The following KHDRBS2 variants were observed in gnomAD, a reference collection of about 807,000 sequenced individuals.
KHDRBS2 encodes KH RNA binding domain containing, signal transduction associated 2.
In KHDRBS2, 26 loss-of-function variants were observed where a neutral mutation model predicts 44.3. That is an observed-to-expected ratio of 0.59 (90% CI 0.43 to 0.81). The LOEUF (loss-of-function observed/expected upper bound fraction) is 0.81, where lower values mean the gene tolerates loss of function less well. Ranked by LOEUF, KHDRBS2 falls within the 40% of genes least tolerant of loss-of-function variation. The pLI is 0.00. For missense variants in KHDRBS2, 476 were observed against 433.1 expected, an observed-to-expected ratio of 1.10 and a Z score of -0.88; for synonymous variants, 194 against 151.1, an observed-to-expected ratio of 1.28 and a Z score of -2.08.
intron 6 of KHDRBS2, among the ~76,000 whole-genome samples, chr6:61,738,819 T>C (rs181354006): frequency 1.3e-5 from 2 of 152,068 alleles, no homozygotes; most frequent in African/African-American, 4.8e-5. Flanking sequence ...TCTATTCCAA[T>C]TTTAGGTTGT....
chr6:61,955,745 TAGAC>T lies in KHDRBS2; in HGVS notation c.483+22317_483+22320del, dbSNP rs1229904485. ...ATACATATATAGACAGAGAGAGAGG[TAGAC>T]AGACAGAGAGAGAGAATGTAACCAC... is the stretch of plus-strand genomic sequence containing the variant. On this transcript the variant is annotated intron_variant, in intron 4 of 8. Coordinates refer to ENST00000281156, the MANE Select transcript of KHDRBS2 (RefSeq NM_152688.4). Among the ~76,000 whole-genome samples, 11 of 83,030 alleles carry T rather than the reference TAGAC, an allele frequency of 1.3e-4. 1 individual carries two copies. The highest frequency in any genetic ancestry group is 3.2e-4 in the Non-Finnish European group (11 of 34,042). 54.5% of individuals were successfully genotyped at this position (83,030 alleles called of 152,430 possible).
In KHDRBS2 at chr6:62,041,342, G is replaced by GA. The variant is rs1051375765; in HGVS notation, c.336+6535dup. Reference sequence around the variant, plus strand: ...ATGAGACTCCGTCTCAATAAAAAAAGAAAAAAAAATTTCAGATCAGCAGTA... The same window carrying GA: ...ATGAGACTCCGTCTCAATAAAAAAAGAAAAAAAAAATTTCAGATCAGCAGTA... On this transcript the variant is annotated intron_variant, in intron 3 of 8. Transcript: ENST00000281156. 9.3e-5 allele frequency among the ~76,000 whole-genome samples: 14 copies of GA among 150,958 alleles called. 1 individual carries two copies. Among genetic ancestry groups the GA allele is most frequent in the East Asian group, 2.0e-4 (1 of 5,108 alleles).
intron 6 of KHDRBS2, among the ~76,000 whole-genome samples, chr6:61,855,071 T>A (rs1240205137): frequency 1.3e-5 from 2 of 152,126 alleles, no homozygotes; most frequent in East Asian, 3.9e-4. Flanking sequence ...TTAACCAGTC[T>A]GAATGAACTG....
At chr6:61,717,145 G>A (rs1247602182) in intron 7 of KHDRBS2, among the ~76,000 whole-genome samples, 1 of 151,876 alleles carries the variant, frequency 6.6e-6, no homozygotes, top group African/African-American at 2.4e-5. Flanking sequence ...TATTTTAATG[G>A]TATATTTTTA....
chr6:61,764,605 G>A (rs192818238), intron 6 of KHDRBS2, among the ~76,000 whole-genome samples: 3 of 151,932 alleles, frequency 2.0e-5, no homozygotes, highest in Admixed American at 6.6e-5. Flanking sequence ...TCGTGGTTTC[G>A]ATTTGCATTT....
the KHDRBS2 span, among the ~76,000 whole-genome samples, chr6:61,597,881 G>C: frequency 7.2e-6 from 1 of 139,004 alleles, no homozygotes; most frequent in Non-Finnish European, 1.6e-5. Context: ...TGGGGAAATA[G>C]GATCTAAAGG....
In KHDRBS2 at chr6:62,017,061, T is replaced by C. The variant is rs1781344955; in HGVS notation, c.336+30817A>G. On this transcript the variant is annotated intron_variant, in intron 3 of 8. Coordinates refer to ENST00000281156, the MANE Select transcript of KHDRBS2 (RefSeq NM_152688.4). ...AAATTTTTTCTCTCATCTCACTTCC[T>C]CATCGCTGGTTTTGTTTTATAAGGT... Among the ~76,000 whole-genome samples the C allele has an allele frequency of 3.3e-5, 5 of 152,190 alleles. No homozygotes were observed. In the South Asian group the frequency reaches 1.0e-3, roughly 31 times the overall value.
chr6:62,091,980 T>G (rs1221377885), intron 2 of KHDRBS2, among the ~76,000 whole-genome samples: 1 of 152,206 alleles, frequency 6.6e-6, no homozygotes, highest in African/African-American at 2.4e-5. Flanking sequence ...TTTAAGTGGA[T>G]GCACCAAGTT....
At chr6:61,695,120 A>G (rs145707832) in intron 8 of KHDRBS2, among the ~76,000 whole-genome samples, 1 of 152,264 alleles carries the variant, frequency 6.6e-6, no homozygotes, top group African/African-American at 2.4e-5. Context: ...TTTAGGATTT[A>G]GGAAGGAAGC....
At chr6:61,786,697 G>T (rs890601594) in intron 6 of KHDRBS2, among the ~76,000 whole-genome samples, 1 of 151,916 alleles carries the variant, frequency 6.6e-6, no homozygotes, top group African/African-American at 2.4e-5. Flanking sequence ...AAAAAGTGAA[G>T]ATCTTAAACT....
At chr6:61,782,689 GTATATATA>G (rs70993182) in intron 6 of KHDRBS2, among the ~76,000 whole-genome samples, 15,043 of 110,462 alleles carry the variant, frequency 0.14, 1,593 homozygotes, top group Non-Finnish European at 0.17. Flanking sequence ...TAAAGGTTGT[GTATATATA>G]TATATATATA....
At chr6:62,155,549 A>G (rs1415283669) in intron 2 of KHDRBS2, among the ~76,000 whole-genome samples, 1 of 152,220 alleles carries the variant, frequency 6.6e-6, no homozygotes, top group East Asian at 1.9e-4. Flanking sequence ...AGATCTATGC[A>G]TATGCCTTCT....
chr6:62,112,614 C>T (rs1361995207), intron 2 of KHDRBS2, among the ~76,000 whole-genome samples: 1 of 152,018 alleles, frequency 6.6e-6, no homozygotes, highest in African/African-American at 2.4e-5. Flanking sequence ...TATGAGAATC[C>T]TTTTCATAAA....
chr6:61,591,950 G>C, the KHDRBS2 span, among the ~76,000 whole-genome samples: 1 of 152,116 alleles, frequency 6.6e-6, no homozygotes, highest in East Asian at 1.9e-4. Context: ...GCTTTGGGAA[G>C]CCAAGGCAAG....
At chr6:61,662,539 A>C in the KHDRBS2 span, among the ~76,000 whole-genome samples, 8 of 152,320 alleles carry the variant, frequency 5.3e-5, no homozygotes, top group Admixed American at 5.2e-4. Context: ...AATGAACTCA[A>C]ACAAATTTAC....
intron 2 of KHDRBS2, among the ~76,000 whole-genome samples, chr6:62,155,884 T>C (rs563504176): frequency 6.6e-6 from 1 of 152,296 alleles, no homozygotes; most frequent in South Asian, 2.1e-4. Flanking sequence ...TTGTGAAGAT[T>C]GGAGTGTTCT....
chr6:61,598,235 C>T, the KHDRBS2 span, among the ~76,000 whole-genome samples: 3 of 151,504 alleles, frequency 2.0e-5, no homozygotes, highest in Admixed American at 6.6e-5. Flanking sequence ...TGCTACCATA[C>T]TCTAGATATA....
intron 1 of KHDRBS2, among the ~76,000 whole-genome samples, chr6:62,217,776 T>C (rs946179167): frequency 1.3e-5 from 2 of 151,776 alleles, no homozygotes; most frequent in African/African-American, 4.8e-5. Flanking sequence ...AAGATAAAAC[T>C]ACAGTATCAT....
intron 6 of KHDRBS2, among the ~76,000 whole-genome samples, chr6:61,813,254 A>T (rs1472619686): frequency 3.3e-5 from 5 of 152,164 alleles, no homozygotes; most frequent in Non-Finnish European, 7.4e-5. Flanking sequence ...TCAGTTAATG[A>T]GGCATAGACT....
Sources: allele counts gnomAD v4.1 joint callset (sites outside exome capture counted in the v4.1 genomes callset), GRCh38; gene constraint gnomAD v4.1.1; transcripts MANE v1.5; gene names NCBI Gene and HGNC (gene_info 2026-07-23, HGNC 2026-07-21).